Variants in CXADR observed in about 807,000 individuals in gnomAD.
CXADR encodes the protein CXADR cell adhesion molecule, also known as coxsackievirus and adenovirus receptor.
In CXADR, 20 loss-of-function variants were observed where a neutral mutation model predicts 40.3. The observed-to-expected ratio is 0.50, with a 90% CI of 0.35 to 0.72. The LOEUF (loss-of-function observed/expected upper bound fraction) is 0.72. CXADR is among the 30% of genes least tolerant of loss of function. The pLI, the probability that CXADR is intolerant of heterozygous loss-of-function variation, is 0.01. For synonymous variants in CXADR, 150 were observed against 161.3 expected, an observed-to-expected ratio of 0.93 and a Z score of 0.53; for missense variants, 332 against 449.1, an observed-to-expected ratio of 0.74 and a Z score of 2.36.
chr21:17,621,664 T>C, the CXADR span, among the ~76,000 whole-genome samples: 1 of 152,172 alleles, frequency 6.6e-6, no homozygotes, highest in Non-Finnish European at 1.5e-5. Flanking sequence ...AGGCTCTTCA[T>C]CCCACTTGCC....
chr21:17,518,562 A>G, intron 1 of CXADR: 1 of 1,195,256 alleles, frequency 8.4e-7, no homozygotes, highest in South Asian at 1.2e-5. Context: ...AATTTTCTAC[A>G]AGATCGGGAA....
At chr21:17,634,136 C>G in the CXADR span, among the ~76,000 whole-genome samples, 2 of 152,266 alleles carry the variant, frequency 1.3e-5, no homozygotes, top group Non-Finnish European at 2.9e-5. Flanking sequence ...ATGGCATAGT[C>G]TGGAATAACA....
the CXADR span, among the ~76,000 whole-genome samples, chr21:17,615,785 G>C: frequency 6.6e-6 from 1 of 152,136 alleles, no homozygotes; most frequent in Admixed American, 6.5e-5. Context: ...AATATGTCTA[G>C]GGCTTTATAA....
chr21:17,562,480 C>A (rs1229842254), intron 6 of CXADR, among the ~76,000 whole-genome samples: 1 of 152,196 alleles, frequency 6.6e-6, no homozygotes, highest in East Asian at 1.9e-4. Context: ...AGCCACCACA[C>A]CTGACTAATT....
chr21:17,548,868 C>G (rs1369424471), intron 2 of CXADR, among the ~76,000 whole-genome samples: 1 of 152,140 alleles, frequency 6.6e-6, no homozygotes, highest in African/African-American at 2.4e-5. Flanking sequence ...GGGTTAAAAA[C>G]CTAGCTTCTA....
the CXADR span, among the ~76,000 whole-genome samples, chr21:17,601,619 T>C: frequency 6.6e-6 from 1 of 152,232 alleles, no homozygotes; most frequent in Non-Finnish European, 1.5e-5. Flanking sequence ...TTACTTAGCA[T>C]AAGGTTTTAG....
At position 17,559,042 on chromosome 21, in the gene CXADR, A is replaced by C; in HGVS notation, c.482A>C (p.Lys161Thr). ...GAAATTGGAAGTGACTTTAAGATAA[A>C]ATGTGAACCAAAAGAAGGTTCACTT... ...SEEIGSDFKI[K>T]CEPKEGSLPL... The change falls in exon 4 of 7, where the codon AAA becomes ACA. Residue 161 changes from lysine (K) to threonine (T), a missense_variant. Coordinates refer to ENST00000284878, the MANE Select transcript of CXADR (RefSeq NM_001338.5). 8.1e-6 allele frequency: 13 copies of C among 1,614,124 alleles called. No homozygotes were observed. Among genetic ancestry groups the C allele is most frequent in the Non-Finnish European group, 1.0e-5 (12 of 1,180,002 alleles).
At chr21:17,635,107 C>A in the CXADR span, among the ~76,000 whole-genome samples, 2 of 152,218 alleles carry the variant, frequency 1.3e-5, no homozygotes, top group Admixed American at 1.3e-4. Context: ...ATAGAAAGGC[C>A]TAAATAGAAT....
chr21:17,592,762 A>G (rs1273564316), intron 7 of CXADR, among the ~76,000 whole-genome samples: 1 of 151,958 alleles, frequency 6.6e-6, no homozygotes, highest in Non-Finnish European at 1.5e-5. Context: ...AAGAGTAGAT[A>G]TGGTTTAGAG....
intron 1 of CXADR, among the ~76,000 whole-genome samples, chr21:17,542,794 T>C (rs1359246328): frequency 6.6e-6 from 1 of 152,232 alleles, no homozygotes; most frequent in African/African-American, 2.4e-5. Context: ...GCAAGTAGTT[T>C]GCAAGTTAAA....
At chr21:17,559,925 C>T (rs1218720159) in intron 4 of CXADR, among the ~76,000 whole-genome samples, 1 of 151,642 alleles carries the variant, frequency 6.6e-6, no homozygotes, top group Non-Finnish European at 1.5e-5. Flanking sequence ...GCTCTCCACC[C>T]ACCTCAGCCT....
At chr21:17,612,671 C>T in the CXADR span, 1 of 152,708 alleles carries the variant, frequency 6.5e-6, no homozygotes, top group Non-Finnish European at 1.5e-5. Flanking sequence ...CCCGCCATGT[C>T]TGCCTTTCCC....
chr21:17,629,904 G>C, the CXADR span, among the ~76,000 whole-genome samples: 4 of 152,142 alleles, frequency 2.6e-5, no homozygotes, highest in African/African-American at 9.7e-5. Flanking sequence ...AGTCAATAAC[G>C]TTACAGGGAA....
the CXADR span, among the ~76,000 whole-genome samples, chr21:17,627,265 A>G: frequency 6.6e-6 from 1 of 152,206 alleles, no homozygotes; most frequent in African/African-American, 2.4e-5. Context: ...CTGAGGCAAG[A>G]GAATCACTTG....
At position 17,569,731 on chromosome 21, in the gene CXADR, A is replaced by G. The variant is rs1386375826; in HGVS notation, c.*4039A>G. ...ATTTTATAATTTAAGAATATAGTACATATCAGTTGGGTTTGGTTTTGGTCA... is the reference window on the plus strand; with the variant it reads ...ATTTTATAATTTAAGAATATAGTACGTATCAGTTGGGTTTGGTTTTGGTCA... On this transcript the variant is annotated 3_prime_UTR_variant, in exon 7 of 7. Transcript: ENST00000284878. 2 of 968,864 alleles carry G rather than the reference A, an allele frequency of 2.1e-6. No individual in the cohort carries two copies. Among genetic ancestry groups the G allele is most frequent in the Non-Finnish European group, 1.2e-6 (1 of 815,156 alleles). The allele number at this position is 968,864 out of a possible 1,614,324, so 60.0% of individuals were successfully genotyped here.
chr21:17,618,202 A>C, the CXADR span, among the ~76,000 whole-genome samples: 1 of 152,154 alleles, frequency 6.6e-6, no homozygotes, highest in African/African-American at 2.4e-5. Context: ...GACACTCCTC[A>C]TTCATTCAAA....
chr21:17,518,899 A>G, intron 1 of CXADR: 1 of 1,577,688 alleles, frequency 6.3e-7, no homozygotes, highest in Admixed American at 1.7e-5. Flanking sequence ...GTCATCAGCC[A>G]TGGCTGTTTT....
At chr21:17,626,807 G>A in the CXADR span, 3 of 152,160 alleles carry the variant, frequency 2.0e-5, no homozygotes, top group Non-Finnish European at 4.4e-5. Context: ...AATGACAAAA[G>A]CTGTGCTGAA....
intron 1 of CXADR, among the ~76,000 whole-genome samples, chr21:17,532,090 A>G (rs1420685331): frequency 6.6e-6 from 1 of 151,924 alleles, no homozygotes; most frequent in African/African-American, 2.4e-5. Flanking sequence ...ACCACCACGT[A>G]CAACTAACTT....
Sources: allele counts gnomAD v4.1 joint callset (sites outside exome capture counted in the v4.1 genomes callset), GRCh38; gene constraint gnomAD v4.1.1; transcripts MANE v1.5; gene names NCBI Gene and HGNC (gene_info 2026-07-23, HGNC 2026-07-21).